Variants in ADGRL4 observed in about 807,000 individuals in gnomAD.
ADGRL4 encodes EGF, latrophilin and seven transmembrane domain containing 1.
Under a neutral mutation model 74.8 loss-of-function variants are expected in ADGRL4, and 90 were observed. The ratio of observed to expected loss-of-function variants is 1.20; its 90% CI spans 1.02 to 1.43. The LOEUF is 1.43. Ranked by LOEUF, ADGRL4 falls within the 40% of genes most tolerant of loss-of-function variation. The pLI is 0.00. For synonymous variants in ADGRL4, 311 were observed against 279.2 expected, an observed-to-expected ratio of 1.11 and a Z score of -1.14; for missense variants, 881 against 814.3, an observed-to-expected ratio of 1.08 and a Z score of -1.00.
intron 2 of ADGRL4, among the ~76,000 whole-genome samples, chr1:78,973,548 G>A (rs947191572): frequency 3.3e-5 from 5 of 150,266 alleles, no homozygotes; most frequent in East Asian, 3.9e-4. Context: ...AGTGATATAC[G>A]ATGTATCATA....
intron 2 of ADGRL4, among the ~76,000 whole-genome samples, chr1:78,958,934 G>A (rs745632595): frequency 9.9e-5 from 15 of 152,180 alleles, no homozygotes; most frequent in Non-Finnish European, 1.8e-4. Flanking sequence ...ACCCTGATCC[G>A]TCAGCAGCCA....
At chr1:78,896,068 A>G (rs1391274605) in intron 12 of ADGRL4, among the ~76,000 whole-genome samples, 1 of 151,966 alleles carries the variant, frequency 6.6e-6, no homozygotes, top group Admixed American at 6.6e-5. Context: ...CATTGAACCT[A>G]TTTATGTACT....
At chr1:79,005,312 C>G (rs1650936422) in intron 1 of ADGRL4, 93 bp from the exon 2 acceptor site, 1 of 1,012,702 alleles carries the variant, frequency 9.9e-7, no homozygotes, top group Non-Finnish European at 1.3e-6. Context: ...AAATTATCCT[C>G]TCTTTCTATT....
chr1:78,994,541 G>A (rs556764813), intron 2 of ADGRL4, among the ~76,000 whole-genome samples: 1 of 152,274 alleles, frequency 6.6e-6, no homozygotes, highest in South Asian at 2.1e-4. Context: ...GGATTTCCCA[G>A]TCACTAATGA....
intron 12 of ADGRL4, among the ~76,000 whole-genome samples, chr1:78,900,037 T>C (rs1648485560): frequency 6.6e-6 from 1 of 151,836 alleles, no homozygotes; most frequent in South Asian, 2.1e-4. Context: ...GCAGAGGAGA[T>C]TTGGTGGGAG....
At chr1:78,952,623 T>C (rs1324386329) in intron 2 of ADGRL4, among the ~76,000 whole-genome samples, 2 of 152,086 alleles carry the variant, frequency 1.3e-5, no homozygotes, top group Admixed American at 6.6e-5. Context: ...AATAGACTTA[T>C]AAAGCCCATA....
chr1:78,937,166 T>G (rs776887463), intron 6 of ADGRL4, among the ~76,000 whole-genome samples: 32 of 152,190 alleles, frequency 2.1e-4, no homozygotes, highest in Admixed American at 7.9e-4. Context: ...TATATCCGGC[T>G]GGGCATGGTG....
chr1:78,940,083 A>G (rs1649444952), intron 3 of ADGRL4, among the ~76,000 whole-genome samples: 1 of 152,152 alleles, frequency 6.6e-6, no homozygotes, highest in South Asian at 2.1e-4. Context: ...AGAAATTTCC[A>G]TCATTGATGA....
Position 78,935,968 on chromosome 1 carries a change from A to G in ADGRL4, c.877+327T>C, listed in dbSNP as rs1354077850. 5.1e-5 allele frequency among the ~76,000 whole-genome samples: 4 copies of G among 78,016 alleles called. 1 individual carries two copies. The highest frequency in any genetic ancestry group is 1.6e-4 in the African/African-American group (4 of 24,568). 51.2% of individuals were successfully genotyped at this position (78,016 alleles called of 152,430 possible). On this transcript the variant is annotated intron_variant, in intron 7 of 14. Transcript: ENST00000370742. ...GAAACCCCGTCTCTACTAAAAATAC[A>G]AAAAAATTAGCCGGGCGTGATGGCG...
intron 6 of ADGRL4, 80 bp downstream of exon 6, chr1:78,937,727 G>T: frequency 7.9e-7 from 1 of 1,271,512 alleles, no homozygotes; most frequent in Non-Finnish European, 1.1e-6. Context: ...TCAACACCAT[G>T]CCTCCTAACC....
rs747107776 is a variant in ADGRL4 at position 78,938,041 on chromosome 1, A to G, written c.577-51T>C. 4 of 1,603,494 alleles carry G rather than the reference A, an allele frequency of 2.5e-6. No homozygotes were observed. In the East Asian group the frequency reaches 8.9e-5, roughly 36 times the overall value. ...GAAATGTTGGAATCCTACACTATTC[A>G]CAAATGAAAGGAAAAATTCAAAGCT... On this transcript the variant is annotated intron_variant, in intron 5 of 14. Transcript: ENST00000370742.
chr1:78,932,945 C>CA (rs575175475), intron 7 of ADGRL4, among the ~76,000 whole-genome samples: 1 of 151,184 alleles, frequency 6.6e-6, no homozygotes, highest in Admixed American at 6.6e-5. Flanking sequence ...ACCTCCCAAA[C>CA]AAAAAAAGCC....
intron 12 of ADGRL4, among the ~76,000 whole-genome samples, chr1:78,900,194 G>A (rs898479280): frequency 1.3e-5 from 2 of 152,126 alleles, no homozygotes; most frequent in Non-Finnish European, 2.9e-5. Flanking sequence ...CTCACAGCCA[G>A]CAAGGAAATG....
intron 3 of ADGRL4, among the ~76,000 whole-genome samples, chr1:78,943,395 C>CTG (rs1260976846): frequency 6.6e-6 from 1 of 152,168 alleles, no homozygotes; most frequent in Non-Finnish European, 1.5e-5. Context: ...TTCTGTTTTA[C>CTG]TGTGATTCAA....
intron 2 of ADGRL4, among the ~76,000 whole-genome samples, chr1:78,951,457 G>T (rs1319964348): frequency 6.6e-6 from 1 of 152,148 alleles, no homozygotes; most frequent in African/African-American, 2.4e-5. Context: ...ATAATAAACA[G>T]ATGCATATGT....
chr1:78,980,192 A>G (rs140302997), intron 2 of ADGRL4, among the ~76,000 whole-genome samples: 3 of 151,808 alleles, frequency 2.0e-5, no homozygotes, highest in African/African-American at 7.3e-5. Flanking sequence ...ACATACACAC[A>G]CACACCCACA....
intron 8 of ADGRL4, among the ~76,000 whole-genome samples, chr1:78,924,512 T>C (rs1649073063): frequency 6.6e-6 from 1 of 151,978 alleles, no homozygotes; most frequent in Non-Finnish European, 1.5e-5. Context: ...ATGCCTGGGC[T>C]GATAAATGAC....
chr1:78,987,265 A>G (rs1253847068), intron 2 of ADGRL4, among the ~76,000 whole-genome samples: 2 of 151,836 alleles, frequency 1.3e-5, no homozygotes, highest in East Asian at 1.9e-4. Flanking sequence ...GTTTTGTCCA[A>G]TTCCAATGGG....
chr1:78,893,302 T>A (rs1031398655), intron 12 of ADGRL4, 113 bp from the exon 13 acceptor site: 6 of 723,912 alleles, frequency 8.3e-6, no homozygotes, highest in Non-Finnish European at 1.4e-5. Flanking sequence ...ATCATGGCAT[T>A]TATATAGTTC....
Sources: gnomAD v4.1 joint callset for allele counts (sites outside exome capture counted in the v4.1 genomes callset) on GRCh38, gnomAD v4.1.1 for gene constraint, MANE v1.5 for transcripts, NCBI Gene and HGNC (gene_info 2026-07-23, HGNC 2026-07-21) for gene names.